RBFOX1: variants seen among roughly 807,000 people sequenced by gnomAD.
The protein encoded by RBFOX1 is RNA binding protein fox-1 homolog 1.
RBFOX1 carries 8 observed loss-of-function variants against 57.7 expected under a neutral mutation model. That is an observed-to-expected ratio of 0.14 (90% CI 0.08 to 0.25). The LOEUF (loss-of-function observed/expected upper bound fraction) is 0.25. Among genes scored for constraint, RBFOX1 ranks in the 10% least tolerant of loss-of-function variants. RBFOX1 has a pLI of 1.00. For synonymous variants in RBFOX1, 326 were observed against 222.4 expected (o/e 1.47, Z -4.15); for missense variants, 611 against 548.5 (o/e 1.11, Z -1.14).
At chr16:5,259,754 G>C (rs761604494) in intron 1 of RBFOX1, among the ~76,000 whole-genome samples, 1 of 152,142 alleles carries the variant, frequency 6.6e-6, no homozygotes, top group Non-Finnish European at 1.5e-5. Flanking sequence ...AATGGAGCCG[G>C]GTTATGGATC....
intron 2 of RBFOX1, among the ~76,000 whole-genome samples, chr16:5,567,563 G>C (rs1226773018): frequency 1.4e-5 from 2 of 146,180 alleles, no homozygotes; most frequent in Non-Finnish European, 3.0e-5. Flanking sequence ...TTAGAAACAG[G>C]GCTAATTTCT....
intron 3 of RBFOX1, among the ~76,000 whole-genome samples, chr16:6,854,843 C>G (rs956994092): frequency 2.6e-5 from 4 of 152,018 alleles, no homozygotes; most frequent in Admixed American, 2.6e-4. Flanking sequence ...ATCCGCCTGC[C>G]TCGGCCTCCC....
intron 2 of RBFOX1, among the ~76,000 whole-genome samples, chr16:6,631,434 C>A (rs2098383787): frequency 6.6e-6 from 1 of 151,712 alleles, no homozygotes; most frequent in African/African-American, 2.4e-5. Context: ...GGGAAAGTTC[C>A]CAGTGACAGA....
At chr16:5,245,185 G>C (rs376783095) in intron 1 of RBFOX1, among the ~76,000 whole-genome samples, 2 of 152,192 alleles carry the variant, frequency 1.3e-5, no homozygotes. Flanking sequence ...TTGATGTGTG[G>C]AGTCCGGTGC....
At chr16:6,080,530 A>G (rs1000195650) in intron 1 of RBFOX1, among the ~76,000 whole-genome samples, 2 of 152,184 alleles carry the variant, frequency 1.3e-5, no homozygotes, top group Non-Finnish European at 2.9e-5. Flanking sequence ...GATTGAAGAA[A>G]CTTACAATGA....
chr16:7,131,318 C>T (rs922894486), intron 4 of RBFOX1, among the ~76,000 whole-genome samples: 4 of 132,502 alleles, frequency 3.0e-5, no homozygotes, highest in African/African-American at 1.2e-4. Flanking sequence ...TGCACTGCAG[C>T]GTGGGCATTG....
intron 1 of RBFOX1, among the ~76,000 whole-genome samples, chr16:6,080,324 T>G (rs2095981416): frequency 2.0e-5 from 3 of 152,188 alleles, no homozygotes; most frequent in South Asian, 2.1e-4. Flanking sequence ...TCAGAGAACC[T>G]GGGTATCTCT....
At chr16:6,580,814 A>G (rs558145305) in intron 2 of RBFOX1, among the ~76,000 whole-genome samples, 31 of 152,268 alleles carry the variant, frequency 2.0e-4, no homozygotes, top group Middle Eastern at 3.4e-3. Context: ...GTTATCCCCA[A>G]AGACTAAGAC....
chr16:5,827,093 G>A (rs1432932905), intron 3 of RBFOX1, among the ~76,000 whole-genome samples: 1 of 151,998 alleles, frequency 6.6e-6, no homozygotes, highest in Non-Finnish European at 1.5e-5. Flanking sequence ...TCACACATGA[G>A]ACCCTCCTTT....
rs541116411 is a variant in RBFOX1 at position 5,497,033 on chromosome 16, G to T, written c.258+29779G>T. Among the ~76,000 whole-genome samples, 309 of 152,226 alleles carry T rather than the reference G, an allele frequency of 2.0e-3. 2 individuals carry two copies. Among genetic ancestry groups the T allele is most frequent in the Non-Finnish European group, 2.5e-3 (172 of 68,012 alleles). The stretch of plus-strand genomic sequence containing the variant: ...CAGGGAGGGGGATATTGAGTAAATT[G>T]AATTTTTTTTACTTTCACAATCGTT... On this transcript the variant is annotated intron_variant, in intron 2 of 2. Transcript: ENST00000585867.
intron 1 of RBFOX1, among the ~76,000 whole-genome samples, chr16:6,062,443 A>C (rs1326338704): frequency 6.6e-6 from 1 of 152,076 alleles, no homozygotes; most frequent in African/African-American, 2.4e-5. Context: ...AGATACCCTT[A>C]TCACTTTGGA....
At chr16:7,348,410 A>G (rs1275469331) in intron 4 of RBFOX1, among the ~76,000 whole-genome samples, 1 of 148,774 alleles carries the variant, frequency 6.7e-6, no homozygotes, top group Non-Finnish European at 1.5e-5. Flanking sequence ...TTTTTTTTTT[A>G]CCTCATGAAT....
At chr16:5,257,727 A>G (rs1196473446) in intron 1 of RBFOX1, among the ~76,000 whole-genome samples, 1 of 152,078 alleles carries the variant, frequency 6.6e-6, no homozygotes, top group African/African-American at 2.4e-5. Flanking sequence ...GAGAGTCCCC[A>G]GTGTCAGCCT....
chr16:5,784,253 C>G (rs922427939), intron 3 of RBFOX1, among the ~76,000 whole-genome samples: 2 of 152,128 alleles, frequency 1.3e-5, no homozygotes, highest in Non-Finnish European at 2.9e-5. Context: ...AACCCCGTCT[C>G]TACTAAAAAT....
At chr16:7,324,510 G>A (rs773749177) in intron 4 of RBFOX1, among the ~76,000 whole-genome samples, 2 of 152,202 alleles carry the variant, frequency 1.3e-5, no homozygotes, top group Non-Finnish European at 2.9e-5. Flanking sequence ...CTCAAACCCA[G>A]TTGTCATTCA....
intron 4 of RBFOX1, among the ~76,000 whole-genome samples, chr16:5,868,337 A>C (rs988464775): frequency 5.3e-5 from 8 of 152,200 alleles, no homozygotes; most frequent in Non-Finnish European, 2.9e-5. Flanking sequence ...CTGCTCAATG[A>C]GGTCATCACC....
intron 3 of RBFOX1, among the ~76,000 whole-genome samples, chr16:5,618,468 G>A (rs1311607918): frequency 6.6e-6 from 1 of 152,092 alleles, no homozygotes; most frequent in East Asian, 1.9e-4. Context: ...CTCCCAAGTA[G>A]CTGGGACTAC....
At chr16:5,981,478 T>C (rs1408062415) in intron 4 of RBFOX1, among the ~76,000 whole-genome samples, 1 of 152,178 alleles carries the variant, frequency 6.6e-6, no homozygotes, top group Non-Finnish European at 1.5e-5. Flanking sequence ...ATTTTATTAT[T>C]TTATTTTTGA....
At chr16:6,279,786 G>A (rs2076190699) in intron 1 of RBFOX1, among the ~76,000 whole-genome samples, 1 of 152,072 alleles carries the variant, frequency 6.6e-6, no homozygotes. Context: ...GACAAAACCT[G>A]GCTGAAAGAT....
Sources: allele counts gnomAD v4.1 joint callset (sites outside exome capture counted in the v4.1 genomes callset), GRCh38; gene constraint gnomAD v4.1.1; transcripts MANE v1.5; gene names NCBI Gene and HGNC (gene_info 2026-07-23, HGNC 2026-07-21).